Variants in EDC3 observed in about 807,000 individuals in gnomAD.
The protein encoded by EDC3 is enhancer of mRNA-decapping protein 3.
Under a neutral mutation model 41.8 loss-of-function variants are expected in EDC3, and 20 were observed. That is an observed-to-expected ratio of 0.48 (90% CI 0.34 to 0.70). EDC3 has a LOEUF of 0.70. Ranked by LOEUF, EDC3 falls within the 30% of genes least tolerant of loss-of-function variation. The pLI is 0.01. For synonymous variants in EDC3, 206 were observed against 243.2 expected (o/e 0.85, Z 1.42); for missense variants, 444 against 636.8 (o/e 0.70, Z 3.26).
In EDC3 at chr15:74,635,075, G is replaced by A. The variant is rs78266998; in HGVS notation, c.1192+334C>T. 9.4e-3 allele frequency: 4,875 copies of A among 518,192 alleles called. 196 individuals are homozygous for A. The highest frequency in any genetic ancestry group is 0.083 in the African/African-American group (4,386 of 52,692). 32.1% of individuals were successfully genotyped at this position (518,192 alleles called of 1,614,324 possible). A position where few individuals can be genotyped will look rare whatever the true frequency, so the allele number is the denominator to read the frequency against. On this transcript the variant is annotated intron_variant, in intron 6 of 6. Coordinates refer to ENST00000315127, the MANE Select transcript of EDC3 (RefSeq NM_025083.5). ...CTACAACTACACAAGTATGTTACATGTCTTTTTGTTCCTCCTAACCAGAAT... is the reference window on the plus strand; with the variant it reads ...CTACAACTACACAAGTATGTTACATATCTTTTTGTTCCTCCTAACCAGAAT...
At chr15:74,646,063 TG>T (rs1271415820) in intron 4 of EDC3, among the ~76,000 whole-genome samples, 132 of 138,108 alleles carry the variant, frequency 9.6e-4, no homozygotes, top group Middle Eastern at 7.6e-3. Context: ...GTTGTTGTTT[TG>T]TTTTTTTTTT....
chr15:74,660,952 T>C (rs1300078719), intron 3 of EDC3, among the ~76,000 whole-genome samples: 1 of 152,220 alleles, frequency 6.6e-6, no homozygotes, highest in Non-Finnish European at 1.5e-5. Flanking sequence ...CAAGTGGTTA[T>C]ACATCAATTT....
intron 4 of EDC3, among the ~76,000 whole-genome samples, chr15:74,650,255 C>A (rs1296749711): frequency 6.6e-6 from 1 of 152,218 alleles, no homozygotes; most frequent in Non-Finnish European, 1.5e-5. Context: ...AAGGATAGCA[C>A]TGGCACACAA....
At chr15:74,694,292 G>A (rs1710127340) in intron 1 of EDC3, among the ~76,000 whole-genome samples, 1 of 151,804 alleles carries the variant, frequency 6.6e-6, no homozygotes, top group African/African-American at 2.4e-5. Context: ...ACTGCACTCG[G>A]CCCTAGTCTA....
chr15:74,695,656 C>T (rs2063056614), intron 1 of EDC3: 1 of 152,594 alleles, frequency 6.6e-6, no homozygotes, highest in Non-Finnish European at 1.5e-5. Context: ...CACACAATCC[C>T]CATACTATTT....
At chr15:74,683,024 G>A (rs116383039) in intron 1 of EDC3, among the ~76,000 whole-genome samples, 3,631 of 151,364 alleles carry the variant, frequency 0.024, 146 homozygotes, top group African/African-American at 0.084. Context: ...CTCTGTCTCA[G>A]AAAAAAAATA....
Position 74,671,946 on chromosome 15 carries a change from C to T in EDC3, c.165-172G>A, listed in dbSNP as rs2141650687. ...CAGGGGTCAGCCACCAACTATCCAA[C>T]TGACACAATGCTAGCCTTTAAAAAG... On this transcript the variant is annotated intron_variant, in intron 2 of 6. Transcript: ENST00000315127. The surrounding 1 kb of genome is among the most constrained non-coding windows in gnomAD (Gnocchi z 4.6). Among the ~76,000 whole-genome samples the T allele has an allele frequency of 2.6e-5, 4 of 152,224 alleles. No homozygotes were observed. In the South Asian group the frequency reaches 8.3e-4, roughly 32 times the overall value.
At chr15:74,678,962 G>C (rs2062838561) in intron 1 of EDC3, among the ~76,000 whole-genome samples, 1 of 148,794 alleles carries the variant, frequency 6.7e-6, no homozygotes, top group African/African-American at 2.5e-5. Context: ...AGGCTGAGGA[G>C]GGTAGATCAC....
In EDC3 at chr15:74,655,778, G is replaced by T. The variant is rs777808860; in HGVS notation, c.775C>A (p.Arg259=). 1 of 1,614,034 alleles carries T rather than the reference G, an allele frequency of 6.2e-7. No homozygotes were observed. The highest frequency in any genetic ancestry group is 1.7e-5 in the Admixed American group (1 of 60,016). Residue 259 remains arginine, a synonymous_variant, in exon 4 of 7, where the codon CGA becomes AGA. Coordinates refer to ENST00000315127, the MANE Select transcript of EDC3 (RefSeq NM_025083.5). ...ACGTTGTGGGGCACTATGATCCGTCGATAGACAATGGGCTCGGACTCCAAG... is the reference window on the plus strand; with the variant it reads ...ACGTTGTGGGGCACTATGATCCGTCTATAGACAATGGGCTCGGACTCCAAG... The part of the protein sequence containing the change: ...NILESEPIVY[R]RIIVPHNVSK...
At chr15:74,661,624 A>G (rs1457865553) in intron 3 of EDC3, among the ~76,000 whole-genome samples, 3 of 151,474 alleles carry the variant, frequency 2.0e-5, no homozygotes, top group African/African-American at 4.9e-5. Context: ...CCAGCTACTC[A>G]GGAGGCTGAG....
intron 3 of EDC3, among the ~76,000 whole-genome samples, chr15:74,659,889 A>G (rs2062600861): frequency 6.6e-6 from 1 of 152,000 alleles, no homozygotes; most frequent in Admixed American, 6.6e-5. Context: ...TACTAAAAAT[A>G]CAAAAATTAG....
chr15:74,688,883 G>A (rs896691990), intron 1 of EDC3, among the ~76,000 whole-genome samples: 1 of 151,116 alleles, frequency 6.6e-6, no homozygotes, highest in African/African-American at 2.4e-5. Context: ...CTCCAGTATG[G>A]GTGACAGAGC....
rs969872083 is a variant in EDC3 at position 74,672,043 on chromosome 15, C to T, written c.165-269G>A. Among the ~76,000 whole-genome samples, 5 of 150,736 alleles carry T rather than the reference C, an allele frequency of 3.3e-5. No individual in the cohort carries two copies. The East Asian group carries it at 7.9e-4, about 24-fold the overall frequency. The stretch of plus-strand genomic sequence containing the variant: ...TTGGGAGGCCGAGGCGGGCGGATCA[C>T]GAGGTCAGGAGATCGAGACCATCCC... On this transcript the variant is annotated intron_variant, in intron 2 of 6. Coordinates refer to ENST00000315127, the MANE Select transcript of EDC3 (RefSeq NM_025083.5).
At chr15:74,673,617 A>G (rs1165173209) in intron 2 of EDC3, among the ~76,000 whole-genome samples, 1 of 152,084 alleles carries the variant, frequency 6.6e-6, no homozygotes. Context: ...AGGGCAGATT[A>G]CAAGGTCAGG....
intron 6 of EDC3, 59 bp downstream of exon 6, chr15:74,635,350 G>T: frequency 6.5e-7 from 1 of 1,530,546 alleles, no homozygotes; most frequent in South Asian, 1.1e-5. Context: ...GGCATGACGA[G>T]ACCATCAAAC....
In EDC3 at chr15:74,655,723, T is replaced by C; in HGVS notation, c.820+10A>G. The C allele has an allele frequency of 6.3e-7, 1 of 1,593,420 alleles. No homozygotes were observed. Among genetic ancestry groups the C allele is most frequent in the Non-Finnish European group, 8.6e-7 (1 of 1,165,696 alleles). ...GCAACCAGCAGGATGTGGGACCTGA[T>C]GCAACTCACCCGTGCAGAACTCCTT... On this transcript the variant is annotated intron_variant, in intron 4 of 6. Coordinates refer to ENST00000315127, the MANE Select transcript of EDC3 (RefSeq NM_025083.5).
intron 1 of EDC3, among the ~76,000 whole-genome samples, chr15:74,695,103 GAGA>G (rs1203568838): frequency 6.6e-6 from 1 of 152,184 alleles, no homozygotes; most frequent in Non-Finnish European, 1.5e-5. Context: ...GGCGAAGGAA[GAGA>G]AGAAAAACCA....
chr15:74,636,327 C>T (rs1368373164), intron 5 of EDC3: 1 of 152,536 alleles, frequency 6.6e-6, no homozygotes, highest in Non-Finnish European at 1.5e-5. Flanking sequence ...ATGCCCAGCA[C>T]TTAGCAGTGC....
intron 6 of EDC3, among the ~76,000 whole-genome samples, chr15:74,633,996 C>A (rs2062242279): frequency 6.6e-6 from 1 of 152,174 alleles, no homozygotes; most frequent in South Asian, 2.1e-4. Flanking sequence ...AGTTTCTGGT[C>A]CAGGCTTTGC....
Sources: allele counts gnomAD v4.1 joint callset (sites outside exome capture counted in the v4.1 genomes callset), GRCh38; gene constraint gnomAD v4.1.1; non-coding constraint Gnocchi (gnomAD v3.1); transcripts MANE v1.5; gene names NCBI Gene and HGNC (gene_info 2026-07-23, HGNC 2026-07-21).